Variants in CCDC170 observed in about 807,000 individuals in gnomAD.
CCDC170 encodes coiled-coil domain containing 170.
Under a neutral mutation model 72.6 loss-of-function variants are expected in CCDC170, and 69 were observed. The observed-to-expected ratio is 0.95, with a 90% CI of 0.78 to 1.16. The LOEUF is 1.16. Ranked by LOEUF, CCDC170 falls within the 50% of genes most tolerant of loss-of-function variation. The pLI, the probability that CCDC170 is intolerant of heterozygous loss-of-function variation, is 0.00. For missense variants in CCDC170, 852 were observed against 832.5 expected, an observed-to-expected ratio of 1.02 and a Z score of -0.29; for synonymous variants, 300 against 303.9, an observed-to-expected ratio of 0.99 and a Z score of 0.13.
At position 151,517,633 on chromosome 6, in the gene CCDC170, G is replaced by A. The variant is rs540808923; in HGVS notation, c.58-18685G>A. Among the ~76,000 whole-genome samples the A allele has an allele frequency of 4.6e-4, 70 of 151,576 alleles. 1 individual carries two copies. Among genetic ancestry groups the A allele is most frequent in the East Asian group, 3.7e-3 (19 of 5,112 alleles). On this transcript the variant is annotated intron_variant, in intron 1 of 10. Coordinates refer to ENST00000239374, the MANE Select transcript of CCDC170 (RefSeq NM_025059.4). ...TTCTTTTTGTATTTTTAGTAGAGACGGGGTTTCACCATGTTGGTCAGGCTG... is the reference window on the plus strand; with the variant it reads ...TTCTTTTTGTATTTTTAGTAGAGACAGGGTTTCACCATGTTGGTCAGGCTG...
rs185152535 is a variant in CCDC170, at chr6:151,544,655, G to A, written c.527G>A (p.Arg176His). ...RKHEEFLTQL[R>H]DCLDPDERND... ...CATGAGGAATTTCTGACTCAACTGC[G>A]TGACTGCTTGGATCCAGATGAGAGG... The change falls in exon 4 of 11, where the codon CGT becomes CAT. Residue 176 changes from arginine to histidine, a missense_variant. Physicochemically the swap from Arg to His is conservative, Grantham distance 29. Transcript: ENST00000239374. 1.4e-4 allele frequency: 218 copies of A among 1,613,680 alleles called. No homozygotes were observed. The African/African-American group carries it at 1.7e-3, about 13-fold the overall frequency.
intron 1 of CCDC170, among the ~76,000 whole-genome samples, chr6:151,504,286 G>T (rs1450110943): frequency 6.6e-6 from 1 of 151,914 alleles, no homozygotes; most frequent in Non-Finnish European, 1.5e-5. Flanking sequence ...TTTTCCGTAG[G>T]ATTGAAATAA....
Position 151,615,551 on chromosome 6 carries a change from G to T in CCDC170, c.1819G>T (p.Glu607Ter), listed in dbSNP as rs1776951776. ...GAAAAAGCTCATGTCTGTCAAGTCA[G>T]AACTGGATACCACAGAACATGAGGC... ...AEKKLMSVKS[E>*]LDTTEHEAKE... Residue 607 changes from glutamate (E) to a stop codon, truncating the protein, a stop_gained, in exon 10 of 11, where the codon GAA becomes TAA. Transcript: ENST00000239374. LOFTEE classifies it high-confidence loss of function. 1.2e-6 allele frequency: 2 copies of T among 1,613,994 alleles called. No homozygotes were observed. Among genetic ancestry groups the T allele is most frequent in the East Asian group, 4.5e-5 (2 of 44,864 alleles).
chr6:151,527,667 C>T (rs375986747), intron 1 of CCDC170, among the ~76,000 whole-genome samples: 2 of 150,538 alleles, frequency 1.3e-5, no homozygotes, highest in African/African-American at 2.5e-5. Flanking sequence ...TTGGTGGGGG[C>T]GTGGGGAGAA....
At chr6:151,539,715 A>G (rs574086581) in intron 3 of CCDC170, among the ~76,000 whole-genome samples, 3 of 152,312 alleles carry the variant, frequency 2.0e-5, no homozygotes, top group Non-Finnish European at 2.9e-5. Context: ...GAGCTCAAGA[A>G]CCACATATCT....
In CCDC170 at chr6:151,559,275, G is replaced by C. The variant is rs914312480; in HGVS notation, c.774+10786G>C. Among the ~76,000 whole-genome samples, 3 of 152,078 alleles carry C rather than the reference G, an allele frequency of 2.0e-5. No homozygotes were observed. The East Asian group carries it at 5.8e-4, about 29-fold the overall frequency. On this transcript the variant is annotated intron_variant, in intron 5 of 10. Transcript: ENST00000239374. ...GATCCACCTGCCCTGACCTCCCAAA[G>C]TGCTGAGATTACAGGCATAAGCCAC...
rs769696343 is a variant in CCDC170, at chr6:151,618,048, C to G, written c.2049C>G (p.Val683=). The change falls in exon 11 of 11, where the codon GTC becomes GTG. Residue 683 remains valine, a synonymous_variant. Coordinates refer to ENST00000239374, the MANE Select transcript of CCDC170 (RefSeq NM_025059.4). Reference sequence around the variant, plus strand: ...TCATCAAGTGTCTTGAAAGATTGGTCCATTCACATCAGCATCACTTTGTTA... The same window carrying G: ...TCATCAAGTGTCTTGAAAGATTGGTGCATTCACATCAGCATCACTTTGTTA... ...YEIIKCLERL[V]HSHQHHFVTC... 4.3e-6 allele frequency: 7 copies of G among 1,614,110 alleles called. No individual in the cohort carries two copies. In the South Asian group the frequency reaches 7.7e-5, roughly 18 times the overall value.
intron 1 of CCDC170, among the ~76,000 whole-genome samples, chr6:151,512,152 G>GC (rs1782159485): frequency 7.2e-6 from 1 of 138,398 alleles, no homozygotes; most frequent in South Asian, 2.3e-4. Context: ...GCAGTATACC[G>GC]TTTTTTTTTG....
intron 1 of CCDC170, among the ~76,000 whole-genome samples, chr6:151,504,584 C>A (rs899059751): frequency 3.9e-5 from 6 of 151,940 alleles, no homozygotes; most frequent in Non-Finnish European, 5.9e-5. Context: ...GGGACAGACA[C>A]AATGAACAAA....
chr6:151,526,810 A>G (rs1782417969), intron 1 of CCDC170, among the ~76,000 whole-genome samples: 1 of 152,120 alleles, frequency 6.6e-6, no homozygotes, highest in Non-Finnish European at 1.5e-5. Context: ...TGCCCACTCA[A>G]TGAAAAGAAG....
chr6:151,619,777 G>T lies in CCDC170; in HGVS notation c.*1630G>T, dbSNP rs1412996726. 1 of 152,130 alleles carries T rather than the reference G, an allele frequency of 6.6e-6. No individual in the cohort carries two copies. Among genetic ancestry groups the T allele is most frequent in the African/African-American group, 2.4e-5 (1 of 41,424 alleles). The allele number at this position is 152,130 out of a possible 1,614,324, so 9.4% of individuals were successfully genotyped here. ...GGAGGTTGCAATGAGCCGAGATCGCGCTACTGCACTCCAGCCTGGGCAACA... is the reference window on the plus strand; with the variant it reads ...GGAGGTTGCAATGAGCCGAGATCGCTCTACTGCACTCCAGCCTGGGCAACA... On this transcript the variant is annotated 3_prime_UTR_variant, in exon 11 of 11. Coordinates refer to ENST00000239374, the MANE Select transcript of CCDC170 (RefSeq NM_025059.4).
intron 5 of CCDC170, among the ~76,000 whole-genome samples, chr6:151,549,792 CTTTT>C (rs1043919924): frequency 2.0e-5 from 3 of 152,156 alleles, no homozygotes; most frequent in Non-Finnish European, 4.4e-5. Flanking sequence ...CTTTTAATTT[CTTTT>C]TAACACAAAT....
At chr6:151,579,676 C>T (rs6913493) in intron 6 of CCDC170, among the ~76,000 whole-genome samples, 23,049 of 152,144 alleles carry the variant, frequency 0.15, 2,155 homozygotes, top group African/African-American at 0.27. Flanking sequence ...AGAAAGACTT[C>T]TAGTTGAGAG....
intron 1 of CCDC170, among the ~76,000 whole-genome samples, chr6:151,529,293 T>C (rs1496107): frequency 0.9 from 137,150 of 152,236 alleles, 61,959 homozygotes; most frequent in East Asian, 0.99. Context: ...TATAGAAATA[T>C]TTTTATTTGA....
intron 10 of CCDC170, 45 bp downstream of exon 10, chr6:151,615,724 G>T: frequency 1.5e-6 from 2 of 1,322,894 alleles, no homozygotes; most frequent in South Asian, 1.2e-5. Context: ...GAAATGACAG[G>T]ACAATTCAAG....
intron 1 of CCDC170, among the ~76,000 whole-genome samples, chr6:151,510,255 T>C (rs903624279): frequency 2.6e-5 from 4 of 152,242 alleles, no homozygotes; most frequent in African/African-American, 9.6e-5. Context: ...CTCAAATATT[T>C]ACTGATACTC....
At chr6:151,611,027 C>G (rs1562299300) in intron 9 of CCDC170, among the ~76,000 whole-genome samples, 1 of 152,160 alleles carries the variant, frequency 6.6e-6, no homozygotes, top group Non-Finnish European at 1.5e-5. Context: ...CTTAGTCTCT[C>G]AGCACTTTGG....
chr6:151,541,832 T>C (rs998530638), intron 3 of CCDC170, among the ~76,000 whole-genome samples: 13 of 146,716 alleles, frequency 8.9e-5, no homozygotes, highest in African/African-American at 3.2e-4. Context: ...TGTATATATA[T>C]AAATATAAGT....
chr6:151,608,892 C>T lies in CCDC170; in HGVS notation c.1711-6551C>T, dbSNP rs185459163. Among the ~76,000 whole-genome samples the T allele has an allele frequency of 1.2e-4, 18 of 152,272 alleles. No homozygotes were observed. The South Asian group carries it at 1.5e-3, about 12-fold the overall frequency. On this transcript the variant is annotated intron_variant, in intron 9 of 10. Transcript: ENST00000239374. ...GGACTCCAGGCAGCTCATTATACTG[C>T]GCTTGTGTCCTGTAAGGGCTGTGGT...
Sources: allele counts gnomAD v4.1 joint callset (sites outside exome capture counted in the v4.1 genomes callset), GRCh38; gene constraint gnomAD v4.1.1; transcripts MANE v1.5; gene names NCBI Gene and HGNC (gene_info 2026-07-23, HGNC 2026-07-21).